SLTM: variants seen among roughly 807,000 people sequenced by gnomAD.
SLTM encodes the protein SAFB like transcription modulator, also known as SAFB-like transcription modulator.
SLTM carries 43 observed loss-of-function variants against 134.6 expected under a neutral mutation model. That is an observed-to-expected ratio of 0.32 (90% CI 0.25 to 0.41). SLTM has a LOEUF of 0.41. Among genes scored for constraint, SLTM ranks in the 10% least tolerant of loss-of-function variants. The pLI, the probability that SLTM is intolerant of heterozygous loss-of-function variation, is 1.00. For synonymous variants in SLTM, 424 were observed against 432.3 expected (o/e 0.98, Z 0.24); for missense variants, 1,055 against 1,288.8 (o/e 0.82, Z 2.78).
chr15:58,933,322 C>T, intron 1 of SLTM, 82 bp downstream of exon 1: 1 of 1,444,192 alleles, frequency 6.9e-7, no homozygotes, highest in South Asian at 1.4e-5. Flanking sequence ...TGCGGGCAGC[C>T]GGAGGCTGCG....
intron 19 of SLTM, among the ~76,000 whole-genome samples, chr15:58,886,267 ATT>A (rs1176538612): frequency 9.1e-5 from 5 of 54,862 alleles, no homozygotes; most frequent in African/African-American, 1.9e-4. Context: ...GTGTGTGTGT[ATT>A]TTTTTTTTTT....
At position 58,880,065 on chromosome 15, in the gene SLTM, A is replaced by G; in HGVS notation, c.3039T>C (p.Asn1013=). The G allele has an allele frequency of 6.2e-7, 1 of 1,614,166 alleles. No individual in the cohort carries two copies. Among genetic ancestry groups the G allele is most frequent in the African/African-American group, 1.3e-5 (1 of 75,060 alleles). The change falls in exon 21 of 21, where the codon AAT becomes AAC. Residue 1013 remains asparagine (N), a synonymous_variant. Transcript: ENST00000380516. ...CGGAGCCACTTCCTCTTGGCATGGA[A>G]TTGCCACTGATTTGTACAATTCTAT... ...PINRIVQISG[N]SMPRGSGSGF...
intron 5 of SLTM, among the ~76,000 whole-genome samples, chr15:58,901,867 G>C (rs1218302610): frequency 6.6e-6 from 1 of 151,532 alleles, no homozygotes; most frequent in African/African-American, 2.4e-5. Flanking sequence ...ACTCCAGCTG[G>C]GTGACAGAGT....
rs1029326763 is a variant in SLTM, at chr15:58,897,197, G to A, written c.1145C>T (p.Ser382Leu). 8.1e-6 allele frequency: 13 copies of A among 1,611,938 alleles called. No homozygotes were observed. Among genetic ancestry groups the A allele is most frequent in the Non-Finnish European group, 1.0e-5 (12 of 1,178,450 alleles). Residue 382 changes from serine to leucine, a missense_variant, in exon 9 of 21, where the codon TCA becomes TTA. Coordinates refer to ENST00000380516, the MANE Select transcript of SLTM (RefSeq NM_024755.4). ...TSSTSGSSGS[S>L]TKNIWVSGLS... Reference sequence around the variant, plus strand: ...TCCACTAACCCAGATATTTTTAGTTGAGCTTCCACTGCTACCACTAGTACT... The same window carrying A: ...TCCACTAACCCAGATATTTTTAGTTAAGCTTCCACTGCTACCACTAGTACT...
chr15:58,919,208 C>T (rs1415094681), intron 2 of SLTM, among the ~76,000 whole-genome samples: 1 of 152,214 alleles, frequency 6.6e-6, no homozygotes, highest in Non-Finnish European at 1.5e-5. Context: ...CCACCACGCC[C>T]AGATAATTAA....
At chr15:58,932,535 C>T in intron 1 of SLTM, 92 bp from the exon 2 acceptor site, 1 of 857,602 alleles carries the variant, frequency 1.2e-6, no homozygotes, top group Non-Finnish European at 1.9e-6. Context: ...AACCTCAAGC[C>T]TCAAGACATT....
intron 13 of SLTM, 33 bp downstream of exon 13, chr15:58,893,246 A>G (rs768026816): frequency 6.6e-7 from 1 of 1,520,240 alleles, no homozygotes; most frequent in Non-Finnish European, 9.1e-7. Flanking sequence ...AAACAGCTGA[A>G]GTAGTATACA....
intron 2 of SLTM, among the ~76,000 whole-genome samples, chr15:58,929,159 A>T (rs1377841892): frequency 6.6e-6 from 1 of 152,244 alleles, no homozygotes; most frequent in East Asian, 1.9e-4. Context: ...GTAGTAATTC[A>T]GCAACTTGAT....
At position 58,899,669 on chromosome 15, in the gene SLTM, A is replaced by G; in HGVS notation, c.858T>C (p.Ile286=). Residue 286 remains isoleucine, a synonymous_variant, in exon 7 of 21, where the codon ATT becomes ATC. Coordinates refer to ENST00000380516, the MANE Select transcript of SLTM (RefSeq NM_024755.4). This position sits in a 1 kb window ranked among gnomAD's most constrained non-coding sequence, Gnocchi z 5.0. ...ASKPKDGQDA[I]AQSPEKESKD... ...TGCTTTCCTTCTCCGGGCTCTGTGCAATGGCGTCCTGCCCATCTTTTGGCT... is the reference window on the plus strand; with the variant it reads ...TGCTTTCCTTCTCCGGGCTCTGTGCGATGGCGTCCTGCCCATCTTTTGGCT... The G allele has an allele frequency of 6.2e-7, 1 of 1,614,176 alleles. No individual in the cohort carries two copies. Among genetic ancestry groups the G allele is most frequent in the Non-Finnish European group, 8.5e-7 (1 of 1,180,020 alleles).
At chr15:58,895,284 G>C (rs2034996985) in intron 9 of SLTM, among the ~76,000 whole-genome samples, 1 of 152,094 alleles carries the variant, frequency 6.6e-6, no homozygotes, top group Non-Finnish European at 1.5e-5. Context: ...TCTATAATGA[G>C]TAAAGAACCA....
intron 19 of SLTM, 115 bp from the exon 20 acceptor site, chr15:58,883,901 C>A (rs1316068693): frequency 8.8e-7 from 1 of 1,141,946 alleles, no homozygotes; most frequent in African/African-American, 1.5e-5. Context: ...AGTTCGAGAC[C>A]AGCCTGGCTA....
In SLTM at chr15:58,883,899, A is replaced by T. The variant is rs553822934; in HGVS notation, c.2836-113T>A. On this transcript the variant is annotated intron_variant, in intron 19 of 20. Coordinates refer to ENST00000380516, the MANE Select transcript of SLTM (RefSeq NM_024755.4). The stretch of plus-strand genomic sequence containing the variant: ...GATCACCTGAGGTCAGGAGTTCGAG[A>T]CCAGCCTGGCTAACATGGTGCAACC... 117 of 1,173,224 alleles carry T rather than the reference A, an allele frequency of 1.0e-4. No homozygotes were observed. In the African/African-American group the frequency reaches 1.4e-3, roughly 14 times the overall value. The allele number at this position is 1,173,224 out of a possible 1,614,324, so 72.7% of individuals were successfully genotyped here.
Position 58,898,786 on chromosome 15 carries a change from G to T in SLTM, c.1108+17C>A. 6.3e-7 allele frequency: 1 copy of T among 1,581,116 alleles called. No homozygotes were observed. Among genetic ancestry groups the T allele is most frequent in the South Asian group, 1.1e-5 (1 of 87,922 alleles). ...ACAATGTCAACACTGAAATAAATAG[G>T]GAAAAAAATTCTTTACCTTTGTCAT... is the stretch of plus-strand genomic sequence containing the variant. On this transcript the variant is annotated intron_variant, in intron 8 of 20. Coordinates refer to ENST00000380516, the MANE Select transcript of SLTM (RefSeq NM_024755.4).
In SLTM at chr15:58,899,683, C is replaced by G; in HGVS notation, c.844G>C (p.Gly282Arg). The G allele has an allele frequency of 5.0e-6, 8 of 1,614,140 alleles. No individual in the cohort carries two copies. The highest frequency in any genetic ancestry group is 6.8e-6 in the Non-Finnish European group (8 of 1,180,012). ...GGGCTCTGTGCAATGGCGTCCTGCC[C>G]ATCTTTTGGCTTACTTGCTTCAGAA... ...TDSEASKPKD[G>R]QDAIAQSPEK... is the part of the protein sequence containing the mutation. Residue 282 changes from glycine (G) to arginine (R), a missense_variant, in exon 7 of 21, where the codon GGG becomes CGG. Gly to Arg is a moderately radical substitution (Grantham distance 125). This residue lies in a region of SLTM where 776 missense variants were observed against 962.2 expected (regional missense o/e 0.81). Transcript: ENST00000380516. This position sits in a 1 kb window ranked among gnomAD's most constrained non-coding sequence, Gnocchi z 5.0.
chr15:58,900,077 AGGGTATT>A, intron 6 of SLTM, 140 bp from the exon 7 acceptor site: 1 of 659,998 alleles, frequency 1.5e-6, no homozygotes, highest in Non-Finnish European at 2.5e-6. Context: ...AAAAAACACA[AGGGTATT>A]AACTAACATA....
chr15:58,888,207 T>C (rs1183901078), intron 17 of SLTM, among the ~76,000 whole-genome samples, 178 bp downstream of exon 17: 2 of 152,188 alleles, frequency 1.3e-5, no homozygotes, highest in Non-Finnish European at 2.9e-5. Flanking sequence ...TGCTTAATGG[T>C]GTTCTAGTTA....
intron 16 of SLTM, among the ~76,000 whole-genome samples, chr15:58,888,900 CACA>C (rs2034437841): frequency 6.6e-6 from 1 of 152,176 alleles, no homozygotes; most frequent in Non-Finnish European, 1.5e-5. Context: ...AACCAGTTCA[CACA>C]ACCTCTTCAG....
intron 2 of SLTM, among the ~76,000 whole-genome samples, chr15:58,925,073 T>TAAAAAAA (rs61197202): frequency 1.6e-5 from 2 of 124,966 alleles, no homozygotes; most frequent in African/African-American, 3.1e-5. Context: ...GATAAAATGT[T>TAAAAAAA]AAAAAAAAAA....
intron 20 of SLTM, 36 bp from the exon 21 acceptor site, chr15:58,880,143 C>T: frequency 1.9e-6 from 3 of 1,603,524 alleles, no homozygotes; most frequent in South Asian, 2.2e-5. Flanking sequence ...CATCAGAGAA[C>T]AAAGAACAAA....
Sources: allele counts gnomAD v4.1 joint callset (sites outside exome capture counted in the v4.1 genomes callset), GRCh38; gene constraint gnomAD v4.1.1; regional missense constraint gnomAD v4.1.1; non-coding constraint Gnocchi (gnomAD v3.1); transcripts MANE v1.5; gene names NCBI Gene and HGNC (gene_info 2026-07-23, HGNC 2026-07-21).